Variants in MYO1E observed in about 807,000 individuals in gnomAD.
MYO1E encodes the protein myosin IE, also known as unconventional myosin-Ie.
MYO1E carries 68 observed loss-of-function variants against 151.1 expected under a neutral mutation model. The observed-to-expected ratio is 0.45, with a 90% CI of 0.37 to 0.55. The LOEUF is 0.55. Ranked by LOEUF, MYO1E falls within the 20% of genes least tolerant of loss-of-function variation. The probability of loss-of-function intolerance (pLI) is 0.00; values close to 1 mark genes in which losing one functional copy is unlikely to be tolerated. For synonymous variants in MYO1E, 601 were observed against 501.7 expected (o/e 1.20, Z -2.64); for missense variants, 1,363 against 1,389.3 (o/e 0.98, Z 0.30).
intron 26 of MYO1E, among the ~76,000 whole-genome samples, chr15:59,146,929 T>G (rs2079444827): frequency 1.3e-5 from 2 of 152,188 alleles, no homozygotes; most frequent in Admixed American, 1.3e-4. Context: ...CAGCAACTTC[T>G]TTTTGCACCA....
chr15:59,302,777 A>C (rs925564053), intron 1 of MYO1E, among the ~76,000 whole-genome samples: 1 of 152,150 alleles, frequency 6.6e-6, no homozygotes, highest in East Asian at 1.9e-4. Flanking sequence ...AACTCTGGAC[A>C]CTATATAAAT....
chr15:59,253,419 T>C (rs1182521902), intron 4 of MYO1E, among the ~76,000 whole-genome samples: 1 of 151,392 alleles, frequency 6.6e-6, no homozygotes, highest in Non-Finnish European at 1.5e-5. Flanking sequence ...GCAACAGGCA[T>C]GAAGTGCACA....
intron 1 of MYO1E, among the ~76,000 whole-genome samples, chr15:59,300,847 TCTTTTTTTC>T (rs2080477710): frequency 6.6e-6 from 1 of 151,288 alleles, no homozygotes; most frequent in Non-Finnish European, 1.5e-5. Flanking sequence ...TGTATATCTT[TCTTTTTTTC>T]CTTTTTTTTC....
chr15:59,253,461 C>A (rs1566992800), intron 4 of MYO1E, among the ~76,000 whole-genome samples: 1 of 147,734 alleles, frequency 6.8e-6, no homozygotes, highest in Admixed American at 6.8e-5. Flanking sequence ...TTGCCAAAAA[C>A]GGAATCTGAG....
rs769170906 is a variant in MYO1E, at chr15:59,350,605, T to C, written c.3+21893A>G. Among the ~76,000 whole-genome samples, 33 of 152,110 alleles carry C rather than the reference T, an allele frequency of 2.2e-4. No individual in the cohort carries two copies. Among genetic ancestry groups the C allele is most frequent in the Middle Eastern group, 6.3e-3 (2 of 316 alleles). ...TGAACTGCCAGATAACCAGGGAATG[T>C]CGAGAGTGTACAGGAATGTGGGAAG... On this transcript the variant is annotated intron_variant, in intron 1 of 27. Transcript: ENST00000288235. This position sits in a 1 kb window ranked among gnomAD's most constrained non-coding sequence, Gnocchi z 5.0.
At chr15:59,301,750 G>T (rs2080483940) in intron 1 of MYO1E, among the ~76,000 whole-genome samples, 1 of 152,184 alleles carries the variant, frequency 6.6e-6, no homozygotes, top group Non-Finnish European at 1.5e-5. Flanking sequence ...TTCCTCTTCT[G>T]CGACTTACTA....
chr15:59,206,789 A>G, intron 14 of MYO1E: 1 of 703,030 alleles, frequency 1.4e-6, no homozygotes, highest in Middle Eastern at 4.0e-4. Context: ...GACTCTGGCA[A>G]GGCCCGCGCA....
intron 1 of MYO1E, among the ~76,000 whole-genome samples, chr15:59,302,858 T>A (rs1381438769): frequency 6.6e-6 from 1 of 152,146 alleles, no homozygotes. Flanking sequence ...AAAAATGGCA[T>A]TGGAAGTTAA....
intron 1 of MYO1E, among the ~76,000 whole-genome samples, chr15:59,285,096 G>A (rs764609100): frequency 2.9e-4 from 44 of 152,136 alleles, no homozygotes; most frequent in Admixed American, 8.5e-4. Flanking sequence ...TCGGTAATAC[G>A]ATTCAGGAAT....
intron 4 of MYO1E, among the ~76,000 whole-genome samples, chr15:59,240,465 A>G (rs565358853): frequency 1.3e-5 from 2 of 152,376 alleles, no homozygotes; most frequent in Admixed American, 1.3e-4. Context: ...TTCTGGGGAA[A>G]AAAAGCCATT....
chr15:59,249,661 C>T (rs2080152299), intron 4 of MYO1E, among the ~76,000 whole-genome samples: 1 of 152,114 alleles, frequency 6.6e-6, no homozygotes. Context: ...TAGGTCATCG[C>T]TCACTTTTTA....
chr15:59,250,234 T>C (rs1169509207), intron 4 of MYO1E, among the ~76,000 whole-genome samples: 9 of 152,208 alleles, frequency 5.9e-5, no homozygotes, highest in African/African-American at 1.9e-4. Flanking sequence ...ATATGATTTA[T>C]GTCGGGGGCT....
chr15:59,276,189 G>A (rs985526198), intron 1 of MYO1E, among the ~76,000 whole-genome samples: 1 of 152,170 alleles, frequency 6.6e-6, no homozygotes, highest in African/African-American at 2.4e-5. Flanking sequence ...TGCTGGGAGA[G>A]GGGCAGCAGA....
At chr15:59,307,853 A>G (rs1002628704) in intron 1 of MYO1E, among the ~76,000 whole-genome samples, 54 of 149,986 alleles carry the variant, frequency 3.6e-4, no homozygotes, top group African/African-American at 1.2e-3. Context: ...CAGGCGATCC[A>G]CCCGCCTCAG....
chr15:59,231,908 C>T (rs1005078845), intron 5 of MYO1E, 117 bp from the exon 6 acceptor site: 3 of 904,696 alleles, frequency 3.3e-6, no homozygotes, highest in Non-Finnish European at 5.4e-6. Context: ...GCCCCACACC[C>T]GTGTGTCACT....
intron 24 of MYO1E, among the ~76,000 whole-genome samples, chr15:59,158,668 A>C (rs2079521580): frequency 6.6e-6 from 1 of 152,218 alleles, no homozygotes; most frequent in Non-Finnish European, 1.5e-5. Context: ...ATTTTTACAG[A>C]CTTTTAAAAG....
At chr15:59,207,608 T>G in intron 14 of MYO1E, 1 of 1,614,154 alleles carries the variant, frequency 6.2e-7, no homozygotes, top group Non-Finnish European at 8.5e-7. Flanking sequence ...CGTTTCTTGA[T>G]TGGACAAAAG....
At chr15:59,247,548 T>C (rs2080137658) in intron 4 of MYO1E, among the ~76,000 whole-genome samples, 1 of 152,146 alleles carries the variant, frequency 6.6e-6, no homozygotes, top group Admixed American at 6.5e-5. Context: ...AGACAACCTA[T>C]ACGAAAGCAA....
intron 9 of MYO1E, among the ~76,000 whole-genome samples, chr15:59,220,725 A>G (rs2079949325): frequency 6.6e-6 from 1 of 151,960 alleles, no homozygotes; most frequent in Non-Finnish European, 1.5e-5. Context: ...TAACAGCAGA[A>G]GATCAGAAAC....
Sources: allele counts gnomAD v4.1 joint callset (sites outside exome capture counted in the v4.1 genomes callset), GRCh38; gene constraint gnomAD v4.1.1; non-coding constraint Gnocchi (gnomAD v3.1); transcripts MANE v1.5; gene names NCBI Gene and HGNC (gene_info 2026-07-23, HGNC 2026-07-21).